MYLK: variants seen among roughly 807,000 people sequenced by gnomAD.
MYLK encodes myosin light chain kinase, smooth muscle.
In MYLK, 106 loss-of-function variants were observed where a neutral mutation model predicts 203.4. The ratio of observed to expected loss-of-function variants is 0.52; its 90% CI spans 0.45 to 0.61. The LOEUF (loss-of-function observed/expected upper bound fraction) is 0.61. MYLK is among the 20% of genes least tolerant of loss of function. MYLK has a pLI of 0.00. For missense variants in MYLK, 2,072 were observed against 2,442.3 expected (o/e 0.85, Z 3.20); for synonymous variants, 867 against 959.5 (o/e 0.90, Z 1.78).
chr3:123,831,662 G>T lies in MYLK; in HGVS notation c.-118C>A. Reference sequence around the variant, plus strand: ...GCTCTGAACTGCAGCAGAGGCAGCCGGGAGCCACCTGGGTGGGTGGGAAGG... The same window carrying T: ...GCTCTGAACTGCAGCAGAGGCAGCCTGGAGCCACCTGGGTGGGTGGGAAGG... On this transcript the variant is annotated 5_prime_UTR_variant, in exon 3 of 34. Transcript: ENST00000360304. 1 of 243,322 alleles carries T rather than the reference G, an allele frequency of 4.1e-6. No individual in the cohort carries two copies. The highest frequency in any genetic ancestry group is 8.5e-6 in the Non-Finnish European group (1 of 118,068). 15.1% of individuals were successfully genotyped at this position (243,322 alleles called of 1,614,324 possible).
At chr3:123,768,643 A>G (rs1252300196) in intron 4 of MYLK, among the ~76,000 whole-genome samples, 3 of 152,262 alleles carry the variant, frequency 2.0e-5, no homozygotes, top group Non-Finnish European at 4.4e-5. Flanking sequence ...AGGCTGAAAA[A>G]TAATATTCTA....
At chr3:123,824,155 T>A (rs2066034244) in intron 3 of MYLK, among the ~76,000 whole-genome samples, 2 of 151,794 alleles carry the variant, frequency 1.3e-5, no homozygotes, top group African/African-American at 4.8e-5. Flanking sequence ...AATGGCGCGA[T>A]CTCAGCTCGC....
intron 31 of MYLK, among the ~76,000 whole-genome samples, chr3:123,625,935 C>A (rs2058127184): frequency 6.6e-6 from 1 of 152,098 alleles, no homozygotes; most frequent in Non-Finnish European, 1.5e-5. Context: ...TGCCTTTTAT[C>A]AGAGGCAGTC....
chr3:123,817,240 A>G (rs964278722), intron 3 of MYLK, among the ~76,000 whole-genome samples: 4 of 152,220 alleles, frequency 2.6e-5, no homozygotes, highest in Admixed American at 2.6e-4. Flanking sequence ...TGGGCTAAGC[A>G]TCACTCTTTA....
At chr3:123,652,134 T>C (rs1238131721) in intron 24 of MYLK, among the ~76,000 whole-genome samples, 1 of 152,154 alleles carries the variant, frequency 6.6e-6, no homozygotes, top group Non-Finnish European at 1.5e-5. Context: ...TTTTCCCTTC[T>C]TGTCCTGCCT....
intron 19 of MYLK, chr3:123,691,776 C>T (rs994629804): frequency 6.6e-6 from 1 of 152,198 alleles, no homozygotes; most frequent in East Asian, 1.9e-4. Context: ...TGGTTATTAA[C>T]CAGACATTTC....
At chr3:123,840,135 T>G (rs970024073) in intron 2 of MYLK, among the ~76,000 whole-genome samples, 1 of 151,848 alleles carries the variant, frequency 6.6e-6, no homozygotes, top group Non-Finnish European at 1.5e-5. Context: ...CACTTTAGGA[T>G]AAACTAGAAA....
At chr3:123,752,086 C>A (rs2063211810) in intron 5 of MYLK, among the ~76,000 whole-genome samples, 1 of 151,982 alleles carries the variant, frequency 6.6e-6, no homozygotes, top group Non-Finnish European at 1.5e-5. Context: ...TGAGGGGAAG[C>A]CATGGGAGGG....
chr3:123,831,004 G>A (rs1320429119), intron 3 of MYLK, among the ~76,000 whole-genome samples: 2 of 152,304 alleles, frequency 1.3e-5, no homozygotes, highest in Non-Finnish European at 2.9e-5. Flanking sequence ...CAGGTGACCA[G>A]GTTATGGATA....
intron 4 of MYLK, among the ~76,000 whole-genome samples, chr3:123,777,522 T>A (rs1230217248): frequency 6.6e-6 from 1 of 152,144 alleles, no homozygotes; most frequent in Non-Finnish European, 1.5e-5. Context: ...ACAGCTCGAG[T>A]CTTGCGCTCA....
intron 29 of MYLK, among the ~76,000 whole-genome samples, chr3:123,636,069 C>T (rs1330826947): frequency 6.6e-6 from 1 of 152,146 alleles, no homozygotes; most frequent in Non-Finnish European, 1.5e-5. Flanking sequence ...TGCCAGAGGG[C>T]TGTGGGGGCC....
rs1409887622 is a variant in MYLK, at chr3:123,715,358, A to T, written c.1805-5465T>A. Among the ~76,000 whole-genome samples, 3 of 152,226 alleles carry T rather than the reference A, an allele frequency of 2.0e-5. No individual in the cohort carries two copies. In the East Asian group the frequency reaches 5.8e-4, roughly 29 times the overall value. ...GGGCAGCTGACATCACCTCCTGAGC[A>T]TCACTTTCTTCATCTGTAAAGTGAA... On this transcript the variant is annotated intron_variant, in intron 13 of 33. Transcript: ENST00000360304.
chr3:123,760,520 C>G (rs555150143), intron 4 of MYLK, among the ~76,000 whole-genome samples: 37 of 152,314 alleles, frequency 2.4e-4, no homozygotes, highest in African/African-American at 8.7e-4. Flanking sequence ...TACAATACCA[C>G]ATTAATAGAT....
chr3:123,679,755 C>A (rs1174833787), intron 20 of MYLK, among the ~76,000 whole-genome samples: 2 of 152,176 alleles, frequency 1.3e-5, no homozygotes, highest in African/African-American at 4.8e-5. Context: ...GCTGCTCCCC[C>A]ACTAACTCAG....
chr3:123,780,295 A>G (rs577139930), intron 4 of MYLK, among the ~76,000 whole-genome samples: 5 of 152,164 alleles, frequency 3.3e-5, no homozygotes, highest in African/African-American at 1.2e-4. Flanking sequence ...TTAGCCCGGC[A>G]TGGTGGCACG....
At chr3:123,861,121 C>A (rs748989808) in intron 2 of MYLK, among the ~76,000 whole-genome samples, 1 of 146,228 alleles carries the variant, frequency 6.8e-6, no homozygotes, top group Non-Finnish European at 1.5e-5. Context: ...TAGAGCGAGA[C>A]CCTGTCTCAA....
chr3:123,705,056 G>A lies in MYLK; in HGVS notation c.2390+2698C>T, dbSNP rs551654818. 1.7e-3 allele frequency among the ~76,000 whole-genome samples: 255 copies of A among 152,302 alleles called. 1 individual carries two copies. The highest frequency in any genetic ancestry group is 5.8e-3 in the African/African-American group (240 of 41,558). ...AGACAAGAGCTAGGAAGGGAAGAGAGGCAGAAACTACCCACCCATACCTGC... is the reference window on the plus strand; with the variant it reads ...AGACAAGAGCTAGGAAGGGAAGAGAAGCAGAAACTACCCACCCATACCTGC... On this transcript the variant is annotated intron_variant, in intron 16 of 33. Coordinates refer to ENST00000360304, the MANE Select transcript of MYLK (RefSeq NM_053025.4).
At chr3:123,647,197 C>T in intron 27 of MYLK, 27 bp downstream of exon 27, 1 of 1,611,386 alleles carries the variant, frequency 6.2e-7, no homozygotes, top group East Asian at 2.2e-5. Flanking sequence ...CCTGTGGTGC[C>T]CACGCTGCTG....
intron 23 of MYLK, chr3:123,659,742 C>G (rs139578383): frequency 7.8e-6 from 4 of 514,150 alleles, no homozygotes; most frequent in Admixed American, 5.9e-5. Flanking sequence ...TTGTCCTCCA[C>G]GGCGACACAC....
Sources: gnomAD v4.1 joint callset for allele counts (sites outside exome capture counted in the v4.1 genomes callset) on GRCh38, gnomAD v4.1.1 for gene constraint, MANE v1.5 for transcripts, NCBI Gene and HGNC (gene_info 2026-07-23, HGNC 2026-07-21) for gene names.